The following FGGY variants were observed in gnomAD, a reference collection of about 807,000 sequenced individuals.
FGGY encodes FGGY carbohydrate kinase domain-containing protein.
Under a neutral mutation model 71.3 loss-of-function variants are expected in FGGY, and 72 were observed. That is an observed-to-expected ratio of 1.01 (90% confidence interval 0.84 to 1.23). The LOEUF (loss-of-function observed/expected upper bound fraction) is 1.23, where lower values mean the gene tolerates loss of function less well. FGGY is among the 50% of genes most tolerant of loss of function. The pLI is 0.00. For missense variants in FGGY, 668 were observed against 682.3 expected, an observed-to-expected ratio of 0.98 and a Z score of 0.23; for synonymous variants, 251 against 250.3, an observed-to-expected ratio of 1.00 and a Z score of -0.02.
chr1:59,527,714 C>G (rs1469458796), intron 7 of FGGY, among the ~76,000 whole-genome samples: 1 of 152,176 alleles, frequency 6.6e-6, no homozygotes, highest in Admixed American at 6.6e-5. Context: ...GCCTCTGTTC[C>G]TGTTTTAGTT....
At chr1:59,478,381 C>T (rs1213833710) in intron 6 of FGGY, among the ~76,000 whole-genome samples, 1 of 152,132 alleles carries the variant, frequency 6.6e-6, no homozygotes, top group Non-Finnish European at 1.5e-5. Flanking sequence ...AAAGCTATAA[C>T]CTCACCTCAA....
intron 4 of FGGY, among the ~76,000 whole-genome samples, chr1:59,349,245 C>A (rs933952918): frequency 2.0e-5 from 3 of 152,188 alleles, no homozygotes; most frequent in African/African-American, 7.2e-5. Flanking sequence ...TGAAGCATGG[C>A]TCTTGGCGTA....
chr1:59,300,085 T>C (rs932550699), intron 1 of FGGY, among the ~76,000 whole-genome samples: 1 of 152,220 alleles, frequency 6.6e-6, no homozygotes, highest in African/African-American at 2.4e-5. Flanking sequence ...AATGTAGTCA[T>C]CAGTAGGTGT....
intron 14 of FGGY, among the ~76,000 whole-genome samples, chr1:59,683,291 A>C (rs914842147): frequency 7.2e-5 from 11 of 152,208 alleles, no homozygotes; most frequent in Admixed American, 2.6e-4. Flanking sequence ...CAGCACTCAA[A>C]TTCAGATCTT....
intron 14 of FGGY, among the ~76,000 whole-genome samples, chr1:59,707,270 G>T (rs2097763409): frequency 6.6e-6 from 1 of 152,194 alleles, no homozygotes; most frequent in East Asian, 1.9e-4. Context: ...ACTCGCCTAA[G>T]GTCAGATAGC....
chr1:59,652,144 C>T (rs1212381990), intron 11 of FGGY, among the ~76,000 whole-genome samples: 1 of 152,124 alleles, frequency 6.6e-6, no homozygotes, highest in Admixed American at 6.6e-5. Context: ...ATGGGCTTCC[C>T]TTTGAGGGTA....
intron 4 of FGGY, among the ~76,000 whole-genome samples, chr1:59,358,266 T>C (rs115396132): frequency 0.025 from 3,735 of 152,284 alleles, 177 homozygotes; most frequent in African/African-American, 0.086. Context: ...ACCTGGGCTG[T>C]TTTACTTTCT....
At chr1:59,408,153 G>T (rs898856324) in intron 5 of FGGY, among the ~76,000 whole-genome samples, 46 of 152,322 alleles carry the variant, frequency 3.0e-4, no homozygotes, top group African/African-American at 1.1e-3. Context: ...CCACCTGCAA[G>T]CTGTGTTGGC....
At chr1:59,553,053 G>A (rs975705699) in intron 7 of FGGY, among the ~76,000 whole-genome samples, 4 of 152,254 alleles carry the variant, frequency 2.6e-5, no homozygotes, top group South Asian at 2.1e-4. Flanking sequence ...ATTAGGAGTC[G>A]GCCTGACAGC....
Position 59,607,949 on chromosome 1 carries a change from T to A in FGGY, c.1011+39T>A, listed in dbSNP as rs762960408. On this transcript the variant is annotated intron_variant, in intron 9 of 15. Transcript: ENST00000303721. ...TTCTCAATAGGGTCATGGATGTTTT[T>A]ATGTCATTGATTAGTCCATTTTGTC... 3.3e-6 allele frequency: 5 copies of A among 1,524,618 alleles called. No individual in the cohort carries two copies. In the Admixed American group the frequency reaches 8.4e-5, roughly 26 times the overall value. The allele number at this position is 1,524,618 out of a possible 1,614,324, so 94.4% of individuals were successfully genotyped here. A position where few individuals can be genotyped will look rare whatever the true frequency, so the allele number is the denominator to read the frequency against.
intron 5 of FGGY, among the ~76,000 whole-genome samples, chr1:59,418,995 AAAGAGAATGGT>A (rs1398966052): frequency 6.6e-6 from 1 of 152,170 alleles, no homozygotes; most frequent in Non-Finnish European, 1.5e-5. Flanking sequence ...ATACTGAAAT[AAAGAGAATGGT>A]AAGACGTTTG....
chr1:59,482,245 C>T (rs1319799133), intron 6 of FGGY, among the ~76,000 whole-genome samples: 1 of 152,080 alleles, frequency 6.6e-6, no homozygotes, highest in Non-Finnish European at 1.5e-5. Flanking sequence ...CAGCTGAGTC[C>T]TCTTTTAGTG....
At chr1:59,577,590 A>G (rs1022247365) in intron 8 of FGGY, among the ~76,000 whole-genome samples, 3 of 152,096 alleles carry the variant, frequency 2.0e-5, no homozygotes, top group Admixed American at 6.5e-5. Flanking sequence ...GCAAATCCAA[A>G]AAGTAAGTAT....
At chr1:59,697,068 T>G (rs1480024844) in intron 14 of FGGY, among the ~76,000 whole-genome samples, 1 of 152,194 alleles carries the variant, frequency 6.6e-6, no homozygotes, top group African/African-American at 2.4e-5. Flanking sequence ...TACCTTTACT[T>G]CAAAAAATTT....
chr1:59,683,542 T>C (rs112153251), intron 14 of FGGY, among the ~76,000 whole-genome samples: 2 of 152,184 alleles, frequency 1.3e-5, no homozygotes, highest in South Asian at 4.1e-4. Flanking sequence ...CAAGGCCTTG[T>C]CCAGCCCAGC....
intron 7 of FGGY, among the ~76,000 whole-genome samples, chr1:59,542,445 C>CTTTTCTTTT (rs2095456188): frequency 2.9e-5 from 1 of 34,246 alleles, no homozygotes; most frequent in Non-Finnish European, 5.6e-5. Flanking sequence ...ATGTTCTTTA[C>CTTTTCTTTT]TTTTTTTTTT....
intron 8 of FGGY, among the ~76,000 whole-genome samples, chr1:59,587,577 C>T (rs964781295): frequency 1.1e-4 from 16 of 152,074 alleles, no homozygotes; most frequent in Non-Finnish European, 1.8e-4. Flanking sequence ...CTCACACGGC[C>T]GGGTACTCCT....
chr1:59,406,538 T>C (rs2062787394), intron 5 of FGGY, among the ~76,000 whole-genome samples: 1 of 152,182 alleles, frequency 6.6e-6, no homozygotes, highest in South Asian at 2.1e-4. Context: ...TGCTGTTGGC[T>C]GTAAGTTCAG....
intron 5 of FGGY, among the ~76,000 whole-genome samples, chr1:59,452,931 G>C: frequency 6.6e-6 from 1 of 152,196 alleles, no homozygotes; most frequent in East Asian, 1.9e-4. Flanking sequence ...AAGGTGAATA[G>C]TTATCCAAAG....
Sources: allele counts gnomAD v4.1 joint callset (sites outside exome capture counted in the v4.1 genomes callset), GRCh38; gene constraint gnomAD v4.1.1; transcripts MANE v1.5; gene names NCBI Gene and HGNC (gene_info 2026-07-23, HGNC 2026-07-21).